Variants in RAPGEF5 observed in about 807,000 individuals in gnomAD.
The protein encoded by RAPGEF5 is M-Ras-regulated GEF.
In RAPGEF5, 65 loss-of-function variants were observed where a neutral mutation model predicts 125.2. The ratio of observed to expected loss-of-function variants is 0.52; its 90% CI spans 0.43 to 0.64. The LOEUF (loss-of-function observed/expected upper bound fraction) is 0.64, where lower values mean the gene tolerates loss of function less well. RAPGEF5 is among the 30% of genes least tolerant of loss of function. The pLI is 0.00. For synonymous variants in RAPGEF5, 391 were observed against 385.9 expected (o/e 1.01, Z -0.16); for missense variants, 958 against 1,048.1 (o/e 0.91, Z 1.19).
rs755122405 is a variant in RAPGEF5 at position 22,137,003 on chromosome 7, A to G, written c.2278-20T>C. 3.9e-6 allele frequency: 6 copies of G among 1,540,742 alleles called. No homozygotes were observed. The highest frequency in any genetic ancestry group is 5.3e-6 in the Non-Finnish European group (6 of 1,129,944). Reference sequence around the variant, plus strand: ...GATTTTCTAAAAAACAAACACAAACAAAAAACAGAAGGTCACAGAAGTTGG... The same window carrying G: ...GATTTTCTAAAAAACAAACACAAACGAAAAACAGAAGGTCACAGAAGTTGG... On this transcript the variant is annotated intron_variant, in intron 21 of 25. Transcript: ENST00000665637.
At chr7:22,200,958 T>C (rs1360524437) in intron 9 of RAPGEF5, among the ~76,000 whole-genome samples, 4 of 152,222 alleles carry the variant, frequency 2.6e-5, no homozygotes, top group African/African-American at 9.7e-5. Flanking sequence ...TCATTCTGGA[T>C]ACTGGCAGGA....
intron 6 of RAPGEF5, among the ~76,000 whole-genome samples, chr7:22,288,234 TC>T (rs1562509778): frequency 8.6e-6 from 1 of 116,610 alleles, no homozygotes; most frequent in Non-Finnish European, 1.7e-5. Flanking sequence ...CTATGGCTGT[TC>T]CCCAGACTCT....
At chr7:22,130,977 G>A in intron 24 of RAPGEF5, 60 bp downstream of exon 24, 1 of 1,521,594 alleles carries the variant, frequency 6.6e-7, no homozygotes, top group Non-Finnish European at 8.8e-7. Flanking sequence ...CCTAGAGCAG[G>A]AAAGAAAGGC....
At chr7:22,164,221 G>A (rs1784092381) in intron 12 of RAPGEF5, among the ~76,000 whole-genome samples, 1 of 152,102 alleles carries the variant, frequency 6.6e-6, no homozygotes, top group South Asian at 2.1e-4. Context: ...GAGCCAGCTA[G>A]TTGGGATGCA....
At chr7:22,215,601 C>A (rs1472951393) in intron 9 of RAPGEF5, among the ~76,000 whole-genome samples, 2 of 152,176 alleles carry the variant, frequency 1.3e-5, no homozygotes, top group Non-Finnish European at 1.5e-5. Context: ...CAAAAGTTAG[C>A]AAATGAATGG....
chr7:22,268,404 T>C (rs1782335042), intron 6 of RAPGEF5, among the ~76,000 whole-genome samples: 2 of 152,190 alleles, frequency 1.3e-5, no homozygotes, highest in African/African-American at 4.8e-5. Flanking sequence ...CAAGAAAACC[T>C]TCGTAAGTAC....
At position 22,147,002 on chromosome 7, in the gene RAPGEF5, A is replaced by G; in HGVS notation, c.1902T>C (p.Asn634=). ...TCATCGACCTTTGCTGTGATTCCTC[A>G]TTTTCTGCAAATGGGTTCTAAACCA... ...LADTLNPFAE[N]EESQQRSMRI... is the part of the protein sequence containing the mutation. Residue 634 remains asparagine, a synonymous_variant, in exon 19 of 26, where the codon AAT becomes AAC. Coordinates refer to ENST00000665637, the MANE Select transcript of RAPGEF5 (RefSeq NM_012294.5). 6.2e-7 allele frequency: 1 copy of G among 1,613,104 alleles called. No homozygotes were observed. Among genetic ancestry groups the G allele is most frequent in the East Asian group, 2.2e-5 (1 of 44,860 alleles).
intron 11 of RAPGEF5, 68 bp from the exon 12 acceptor site, chr7:22,167,216 G>A: frequency 8.0e-7 from 1 of 1,242,434 alleles, no homozygotes; most frequent in Admixed American, 1.9e-5. Flanking sequence ...CTGCTTATCT[G>A]GGCCCCAGAA....
chr7:22,328,940 T>C (rs928206537), intron 1 of RAPGEF5, among the ~76,000 whole-genome samples: 1 of 152,218 alleles, frequency 6.6e-6, no homozygotes, highest in Non-Finnish European at 1.5e-5. Context: ...ACTGGATGTA[T>C]TTTTGCCTCC....
At chr7:22,271,441 T>C (rs766871144) in intron 6 of RAPGEF5, among the ~76,000 whole-genome samples, 1 of 152,226 alleles carries the variant, frequency 6.6e-6, no homozygotes, top group Non-Finnish European at 1.5e-5. Flanking sequence ...TCACTGTATT[T>C]AGATATAAAA....
chr7:22,218,978 C>A (rs1217131477), intron 9 of RAPGEF5, among the ~76,000 whole-genome samples: 3 of 152,122 alleles, frequency 2.0e-5, no homozygotes, highest in Admixed American at 1.3e-4. Flanking sequence ...TAAAACCCTG[C>A]CATTTGTATT....
At chr7:22,156,996 A>C in intron 15 of RAPGEF5, 108 bp from the exon 16 acceptor site, 2 of 1,488,446 alleles carry the variant, frequency 1.3e-6, no homozygotes, top group East Asian at 4.8e-5. Flanking sequence ...TTTTTTTAAT[A>C]TGAAATCCAC....
At chr7:22,349,422 C>CAA (rs34428356) in intron 1 of RAPGEF5, among the ~76,000 whole-genome samples, 8,742 of 74,528 alleles carry the variant, frequency 0.12, 487 homozygotes, top group East Asian at 0.19. Context: ...AGACTCCATC[C>CAA]AAAAAAAAAA....
At chr7:22,143,329 A>C (rs145140948) in intron 20 of RAPGEF5, among the ~76,000 whole-genome samples, 1 of 152,272 alleles carries the variant, frequency 6.6e-6, no homozygotes, top group East Asian at 1.9e-4. Flanking sequence ...AAGAAAAATT[A>C]TCCTACTCTT....
intron 3 of RAPGEF5, among the ~76,000 whole-genome samples, chr7:22,313,051 T>G (rs979751814): frequency 6.6e-6 from 1 of 152,182 alleles, no homozygotes; most frequent in Non-Finnish European, 1.5e-5. Context: ...TCCAAGTACA[T>G]GCAGATCTGA....
At chr7:22,258,203 G>C (rs549575038) in intron 7 of RAPGEF5, among the ~76,000 whole-genome samples, 2 of 152,180 alleles carry the variant, frequency 1.3e-5, no homozygotes, top group Non-Finnish European at 2.9e-5. Context: ...TATGGAGAGA[G>C]AAAAAACTGA....
intron 5 of RAPGEF5, among the ~76,000 whole-genome samples, chr7:22,293,292 TAACTCAACCTAACTCACACTG>T (rs1020667537): frequency 3.9e-5 from 6 of 152,276 alleles, no homozygotes; most frequent in African/African-American, 1.4e-4. Flanking sequence ...CCTTACAGGC[TAACTCAACCTAACTCACACTG>T]AACTCCTCTC....
At chr7:22,162,324 G>T in intron 13 of RAPGEF5, 73 bp downstream of exon 13, 1 of 1,441,836 alleles carries the variant, frequency 6.9e-7, no homozygotes, top group Non-Finnish European at 9.6e-7. Flanking sequence ...CTACAAATGA[G>T]ATTTTTAAAA....
At chr7:22,337,911 G>A (rs1438256663) in intron 1 of RAPGEF5, among the ~76,000 whole-genome samples, 1 of 152,202 alleles carries the variant, frequency 6.6e-6, no homozygotes, top group African/African-American at 2.4e-5. Context: ...AGAAATCTCT[G>A]AGCAAATCAA....
Sources: allele counts gnomAD v4.1 joint callset (sites outside exome capture counted in the v4.1 genomes callset), GRCh38; gene constraint gnomAD v4.1.1; transcripts MANE v1.5; gene names NCBI Gene and HGNC (gene_info 2026-07-23, HGNC 2026-07-21).